RAB5IF: variants seen among roughly 807,000 people sequenced by gnomAD.
The protein encoded by RAB5IF is RAB5 interacting factor, also known as GEL complex subunit OPTI.
In RAB5IF, 15 loss-of-function variants were observed where a neutral mutation model predicts 20.3. The observed-to-expected ratio is 0.74, with a 90% confidence interval of 0.50 to 1.14. The LOEUF (loss-of-function observed/expected upper bound fraction) is 1.14, where lower values mean the gene tolerates loss of function less well. Among genes scored for constraint, RAB5IF ranks in the 50% most tolerant of loss-of-function variants. The pLI is 0.00. For synonymous variants in RAB5IF, 67 were observed against 63.7 expected (o/e 1.05, Z -0.25); for missense variants, 148 against 159.5 (o/e 0.93, Z 0.39).
At chr20:36,609,134 AAGGGGCTTTGGAGAACTATAT>A (rs1346655826) in intron 2 of RAB5IF, among the ~76,000 whole-genome samples, 3 of 143,650 alleles carry the variant, frequency 2.1e-5, no homozygotes, top group African/African-American at 5.2e-5. Context: ...CTGTTACTTC[AAGGGGCTTTGGAGAACTATAT>A]TACACACACA....
At chr20:36,608,401 C>T (rs1298504676) in intron 2 of RAB5IF, among the ~76,000 whole-genome samples, 2 of 151,930 alleles carry the variant, frequency 1.3e-5, no homozygotes, top group African/African-American at 2.4e-5. Flanking sequence ...TGAGCCACCA[C>T]ACCTGGCTAA....
At chr20:36,609,452 C>G (rs2039055945) in intron 2 of RAB5IF, 149 bp from the exon 3 acceptor site, 9 of 1,101,332 alleles carry the variant, frequency 8.2e-6, no homozygotes, top group Non-Finnish European at 1.1e-5. Flanking sequence ...GTTGGCTAGG[C>G]TGGTCTTGAA....
At chr20:36,609,040 A>G (rs1600802899) in intron 2 of RAB5IF, among the ~76,000 whole-genome samples, 1 of 151,642 alleles carries the variant, frequency 6.6e-6, no homozygotes, top group Admixed American at 6.6e-5. Context: ...GCAGCTTCAC[A>G]TGTTTTTCTC....
At chr20:36,607,892 A>G (rs1420684984) in intron 2 of RAB5IF, 74 bp downstream of exon 2, 2 of 1,591,490 alleles carry the variant, frequency 1.3e-6, no homozygotes, top group Admixed American at 3.4e-5. Flanking sequence ...TGTTACAGGA[A>G]AGGCCATTGC....
At chr20:36,607,950 C>T (rs1195193274) in intron 2 of RAB5IF, 132 bp downstream of exon 2, 1 of 1,517,392 alleles carries the variant, frequency 6.6e-7, no homozygotes, top group Non-Finnish European at 8.9e-7. Context: ...AAGAAGCAGC[C>T]CTACAGTGGC....
chr20:36,609,158 C>CATACATACATATACACACACACACAG (rs1278640879), intron 2 of RAB5IF, among the ~76,000 whole-genome samples: 1 of 9,630 alleles, frequency 1.0e-4, no homozygotes, highest in African/African-American at 5.2e-4. Context: ...AACTATATTA[C>CATACATACATATACACACACACACAG]ACACACACAC....
chr20:36,609,256 C>CACACACACACACACACACAA, intron 2 of RAB5IF, among the ~76,000 whole-genome samples: 2 of 121,668 alleles, frequency 1.6e-5, no homozygotes, highest in East Asian at 4.3e-4. Context: ...CACACACACA[C>CACACACACACACACACACAA]TATATATAGA....
intron 3 of RAB5IF, among the ~76,000 whole-genome samples, chr20:36,610,109 C>T (rs1236331874): frequency 1.3e-5 from 2 of 152,046 alleles, no homozygotes; most frequent in South Asian, 2.1e-4. Context: ...GTGGTGAAAT[C>T]CCATCTCTAC....
At chr20:36,608,580 T>TTTA in intron 2 of RAB5IF, among the ~76,000 whole-genome samples, 1 of 138,952 alleles carries the variant, frequency 7.2e-6, no homozygotes. Flanking sequence ...TTTTTTTTTT[T>TTTA]AAAGACAGAG....
intron 3 of RAB5IF, among the ~76,000 whole-genome samples, chr20:36,610,824 C>T (rs760934418): frequency 9.9e-5 from 15 of 152,138 alleles, no homozygotes; most frequent in Non-Finnish European, 2.2e-4. Flanking sequence ...TATGCAAAAT[C>T]TCCACAGTGA....
intron 2 of RAB5IF, among the ~76,000 whole-genome samples, chr20:36,609,243 A>G (rs968507492): frequency 1.5e-5 from 2 of 132,430 alleles, no homozygotes; most frequent in Non-Finnish European, 3.1e-5. Flanking sequence ...ACACACACAC[A>G]CACACACACA....
At chr20:36,611,095 TC>T (rs1451869362) in intron 3 of RAB5IF, among the ~76,000 whole-genome samples, 1 of 152,108 alleles carries the variant, frequency 6.6e-6, no homozygotes, top group Admixed American at 6.6e-5. Flanking sequence ...GCTCAAGTGA[TC>T]CTCCCACCTC....
chr20:36,609,223 A>ACACG (rs1365451556), intron 2 of RAB5IF, among the ~76,000 whole-genome samples: 5 of 117,658 alleles, frequency 4.2e-5, no homozygotes, highest in Non-Finnish European at 5.1e-5. Flanking sequence ...ACACACGCAC[A>ACACG]CACACACACA....
Position 36,609,219 on chromosome 20 carries a change from G to GCACA in RAB5IF, c.219-348_219-345dup, listed in dbSNP as rs1555790838. Reference sequence around the variant, plus strand: ...CGCACACACGCACACACGCACACACGCACACACACACACACACACACACAC... The same window carrying GCACA: ...CGCACACACGCACACACGCACACACGCACACACACACACACACACACACACACAC... On this transcript the variant is annotated intron_variant, in intron 2 of 3. Transcript: ENST00000344795. 3.4e-3 allele frequency among the ~76,000 whole-genome samples: 147 copies of GCACA among 42,774 alleles called. 6 individuals are homozygous for GCACA. Among genetic ancestry groups the GCACA allele is most frequent in the Middle Eastern group, 0.011 (1 of 90 alleles). The allele number at this position is 42,774 out of a possible 152,430, so 28.1% of individuals were successfully genotyped here.
chr20:36,609,156 T>TACATACACACACACACACACACACAC, intron 2 of RAB5IF, among the ~76,000 whole-genome samples: 1 of 17,052 alleles, frequency 5.9e-5, no homozygotes, highest in Non-Finnish European at 1.1e-4. Context: ...AGAACTATAT[T>TACATACACACACACACACACACACAC]ACACACACAC....
At chr20:36,611,528 A>G (rs1026345863) in intron 3 of RAB5IF, among the ~76,000 whole-genome samples, 2 of 148,358 alleles carry the variant, frequency 1.3e-5, no homozygotes, top group East Asian at 2.0e-4. Context: ...ACAAAACCTT[A>G]TGTGTCCAGA....
At chr20:36,609,206 C>CTATATT (rs1568595561) in intron 2 of RAB5IF, among the ~76,000 whole-genome samples, 8 of 64,946 alleles carry the variant, frequency 1.2e-4, no homozygotes, top group South Asian at 1.2e-3. Context: ...CACACACGCA[C>CTATATT]ACACGCACAC....
At chr20:36,609,499 C>G (rs2039057346) in intron 2 of RAB5IF, 102 bp from the exon 3 acceptor site, 3 of 1,468,770 alleles carry the variant, frequency 2.0e-6, no homozygotes, top group Admixed American at 4.8e-5. Flanking sequence ...CTCAGCCTCC[C>G]AAAGTGCTGG....
intron 1 of RAB5IF, among the ~76,000 whole-genome samples, chr20:36,606,722 G>T (rs2038943186): frequency 6.6e-6 from 1 of 152,312 alleles, no homozygotes; most frequent in South Asian, 2.1e-4. Context: ...TGCGAGAATT[G>T]GTTGGGACTT....
Sources: gnomAD v4.1 joint callset for allele counts (sites outside exome capture counted in the v4.1 genomes callset) on GRCh38, gnomAD v4.1.1 for gene constraint, MANE v1.5 for transcripts, NCBI Gene and HGNC (gene_info 2026-07-23, HGNC 2026-07-21) for gene names.